The following SLC35F1 variants were observed in gnomAD, a reference collection of about 807,000 sequenced individuals.
The protein encoded by SLC35F1 is chromosome 6 open reading frame 169.
A neutral mutation model predicts 48.7 loss-of-function variants in SLC35F1; 14 were observed. The observed-to-expected ratio is 0.29, with a 90% CI of 0.19 to 0.45. The LOEUF (loss-of-function observed/expected upper bound fraction) is 0.45, where lower values mean the gene tolerates loss of function less well. Among genes scored for constraint, SLC35F1 ranks in the 20% least tolerant of loss-of-function variants. The pLI is 1.00. For missense variants in SLC35F1, 404 were observed against 500.0 expected, an observed-to-expected ratio of 0.81 and a Z score of 1.83; for synonymous variants, 190 against 202.2, an observed-to-expected ratio of 0.94 and a Z score of 0.51.
At chr6:117,940,271 G>A (rs1776212392) in intron 1 of SLC35F1, among the ~76,000 whole-genome samples, 1 of 152,126 alleles carries the variant, frequency 6.6e-6, no homozygotes, top group African/African-American at 2.4e-5. Flanking sequence ...ACTGTTGGGG[G>A]ATAGCCATAG....
intron 1 of SLC35F1, among the ~76,000 whole-genome samples, chr6:117,928,837 G>A (rs556133464): frequency 9.2e-5 from 14 of 152,224 alleles, no homozygotes; most frequent in African/African-American, 3.4e-4. Context: ...CAAAGGGGTT[G>A]GAGAACAGCT....
At chr6:117,928,064 A>G (rs1776051927) in intron 1 of SLC35F1, among the ~76,000 whole-genome samples, 1 of 152,196 alleles carries the variant, frequency 6.6e-6, no homozygotes, top group Admixed American at 6.5e-5. Context: ...CATCCAAAAT[A>G]TGTAACTTTC....
intron 1 of SLC35F1, among the ~76,000 whole-genome samples, chr6:117,931,599 T>G (rs1562241525): frequency 1.3e-5 from 2 of 152,190 alleles, no homozygotes; most frequent in Non-Finnish European, 2.9e-5. Flanking sequence ...TCACAGGGTT[T>G]TTTTGTTTTG....
intron 2 of SLC35F1, among the ~76,000 whole-genome samples, chr6:118,159,613 G>A (rs1253155667): frequency 6.6e-6 from 1 of 152,134 alleles, no homozygotes; most frequent in African/African-American, 2.4e-5. Context: ...TCAGGAAGCA[G>A]AGGAACAAAA....
chr6:118,234,207 C>G (rs1209501655), intron 2 of SLC35F1, among the ~76,000 whole-genome samples: 1 of 152,162 alleles, frequency 6.6e-6, no homozygotes, highest in Non-Finnish European at 1.5e-5. Flanking sequence ...AAGATGGCCT[C>G]CAAGGATCTC....
At chr6:118,189,847 C>T (rs1283639299) in intron 2 of SLC35F1, among the ~76,000 whole-genome samples, 1 of 152,176 alleles carries the variant, frequency 6.6e-6, no homozygotes, top group Non-Finnish European at 1.5e-5. Flanking sequence ...GGTACAGAAA[C>T]AGCCAGATTA....
intron 1 of SLC35F1, among the ~76,000 whole-genome samples, chr6:118,016,434 C>G (rs1199926565): frequency 6.6e-6 from 1 of 152,126 alleles, no homozygotes; most frequent in Non-Finnish European, 1.5e-5. Flanking sequence ...AAAGAAAGGC[C>G]AAGAAATCTG....
chr6:118,083,625 G>T (rs1772943655), intron 1 of SLC35F1, among the ~76,000 whole-genome samples: 1 of 152,110 alleles, frequency 6.6e-6, no homozygotes, highest in Admixed American at 6.5e-5. Flanking sequence ...TGAAGTCAAG[G>T]TCAAAAAATA....
At position 118,154,441 on chromosome 6, in the gene SLC35F1, T is replaced by A; in HGVS notation, c.174-4T>A. On this transcript the variant is annotated splice_polypyrimidine_tract_variant and splice_region_variant and intron_variant, in intron 1 of 7. Coordinates refer to ENST00000360388, the MANE Select transcript of SLC35F1 (RefSeq NM_001029858.4). ...TGCTGTGTTTTTTTTCCTTTATTTC[T>A]CAGGGAGATGTTAATCTCTGTGGCC... is the stretch of plus-strand genomic sequence containing the variant. 3 of 1,593,272 alleles carry A rather than the reference T, an allele frequency of 1.9e-6. No individual in the cohort carries two copies. Among genetic ancestry groups the A allele is most frequent in the Non-Finnish European group, 2.6e-6 (3 of 1,169,318 alleles).
intron 1 of SLC35F1, among the ~76,000 whole-genome samples, chr6:118,151,353 C>T (rs560661022): frequency 6.6e-6 from 1 of 152,304 alleles, no homozygotes; most frequent in East Asian, 1.9e-4. Flanking sequence ...ACCTCCCTAT[C>T]CCACTCTGAT....
At chr6:117,952,302 G>A (rs1203452083) in intron 1 of SLC35F1, among the ~76,000 whole-genome samples, 2 of 152,060 alleles carry the variant, frequency 1.3e-5, no homozygotes, top group East Asian at 1.9e-4. Flanking sequence ...TAATTAGAAT[G>A]TTCAATCAAT....
chr6:117,955,048 G>C (rs946558967), intron 1 of SLC35F1, among the ~76,000 whole-genome samples: 2 of 151,900 alleles, frequency 1.3e-5, no homozygotes, highest in Non-Finnish European at 2.9e-5. Flanking sequence ...CAAGTACCTG[G>C]GAGCTAATAC....
intron 1 of SLC35F1, among the ~76,000 whole-genome samples, chr6:118,140,700 A>G (rs369320315): frequency 2.0e-5 from 3 of 152,102 alleles, no homozygotes; most frequent in African/African-American, 7.2e-5. Flanking sequence ...TGACAGCTTC[A>G]TGGGTATTAT....
intron 2 of SLC35F1, among the ~76,000 whole-genome samples, chr6:118,168,443 C>T (rs1317180819): frequency 1.3e-5 from 2 of 151,990 alleles, no homozygotes; most frequent in African/African-American, 4.8e-5. Context: ...ACAAAAATAA[C>T]ATAATAAAAT....
chr6:118,311,795 AAAAAAAAG>A (rs1316211816), intron 7 of SLC35F1, among the ~76,000 whole-genome samples: 1 of 152,058 alleles, frequency 6.6e-6, no homozygotes, highest in Non-Finnish European at 1.5e-5. Context: ...CTGTCTCAAG[AAAAAAAAG>A]AAAAAAAGAA....
At position 118,296,577 on chromosome 6, in the gene SLC35F1, T is replaced by C. The variant is rs1281449330; in HGVS notation, c.1002+11239T>C. Among the ~76,000 whole-genome samples the C allele has an allele frequency of 2.6e-5, 4 of 152,294 alleles. No homozygotes were observed. The East Asian group carries it at 7.7e-4, about 29-fold the overall frequency. ...GATTAGAGAAGTTGGGAATAAATGG[T>C]GAGGCAAGCCCAGAATTATAGCCAG... On this transcript the variant is annotated intron_variant, in intron 7 of 7. Transcript: ENST00000360388.
At chr6:118,140,124 A>G (rs1773861228) in intron 1 of SLC35F1, among the ~76,000 whole-genome samples, 1 of 152,176 alleles carries the variant, frequency 6.6e-6, no homozygotes, top group Admixed American at 6.5e-5. Context: ...GAGTCTGGAA[A>G]CATTATAGCA....
intron 7 of SLC35F1, among the ~76,000 whole-genome samples, chr6:118,291,601 AG>A (rs1260432908): frequency 6.6e-6 from 1 of 152,214 alleles, no homozygotes; most frequent in African/African-American, 2.4e-5. Context: ...TAAACATGAA[AG>A]GAACCAAGTT....
chr6:118,115,011 G>A (rs1011773206), intron 1 of SLC35F1, among the ~76,000 whole-genome samples: 81 of 152,136 alleles, frequency 5.3e-4, no homozygotes, highest in African/African-American at 1.9e-3. Flanking sequence ...TTATGTGTTT[G>A]TGCAATTAAG....
Sources: gnomAD v4.1 joint callset for allele counts (sites outside exome capture counted in the v4.1 genomes callset) on GRCh38, gnomAD v4.1.1 for gene constraint, MANE v1.5 for transcripts, NCBI Gene and HGNC (gene_info 2026-07-23, HGNC 2026-07-21) for gene names.